Variants in RAG1 observed in about 807,000 individuals in gnomAD.
RAG1 encodes the protein recombination activating 1.
A neutral mutation model predicts 62.7 loss-of-function variants in RAG1; 35 were observed. The ratio of observed to expected loss-of-function variants is 0.56; its 90% confidence interval spans 0.43 to 0.74. The LOEUF (loss-of-function observed/expected upper bound fraction) is 0.74, where lower values mean the gene tolerates loss of function less well. RAG1 is among the 30% of genes least tolerant of loss of function. The pLI, the probability that RAG1 is intolerant of heterozygous loss-of-function variation, is 0.00. For synonymous variants in RAG1, 461 were observed against 470.3 expected (o/e 0.98, Z 0.26); for missense variants, 1,169 against 1,278.6 (o/e 0.91, Z 1.31).
chr11:36,551,496 A>G (rs1037162882), intron 3 of RAG1, among the ~76,000 whole-genome samples: 1 of 150,950 alleles, frequency 6.6e-6, no homozygotes, highest in African/African-American at 2.4e-5. Flanking sequence ...TTGTTTTCAC[A>G]TTGTCTTCCC....
At chr11:36,561,604 C>G (rs571795832) in intron 3 of RAG1, among the ~76,000 whole-genome samples, 2 of 152,262 alleles carry the variant, frequency 1.3e-5, no homozygotes, top group Admixed American at 1.3e-4. Context: ...AGGTGGGCAT[C>G]ATGCAATTCA....
upstream of RAG1, among the ~76,000 whole-genome samples, chr11:36,565,076 C>T (rs1347776484): frequency 1.3e-5 from 2 of 152,138 alleles, no homozygotes; most frequent in African/African-American, 4.8e-5. Flanking sequence ...CTCTAAGTTC[C>T]CTTCTAGTTC....
At chr11:36,527,984 G>A (rs975499530) in intron 2 of RAG1, among the ~76,000 whole-genome samples, 2 of 151,884 alleles carry the variant, frequency 1.3e-5, no homozygotes, top group Non-Finnish European at 2.9e-5. Context: ...TGAGACAATG[G>A]GGTTTTCTAA....
At chr11:36,560,221 T>C (rs2133279620) in intron 3 of RAG1, among the ~76,000 whole-genome samples, 1 of 152,210 alleles carries the variant, frequency 6.6e-6, no homozygotes, top group East Asian at 1.9e-4. Context: ...GTAGGGTATG[T>C]GTTGGGCATG....
chr11:36,513,800 C>T (rs1445538724), intron 1 of RAG1, among the ~76,000 whole-genome samples: 1 of 152,184 alleles, frequency 6.6e-6, no homozygotes, highest in Non-Finnish European at 1.5e-5. Flanking sequence ...ACCATCAGAT[C>T]TTGTGAGACT....
At chr11:36,528,327 G>T (rs1260456355) in intron 2 of RAG1, among the ~76,000 whole-genome samples, 1 of 152,088 alleles carries the variant, frequency 6.6e-6, no homozygotes, top group African/African-American at 2.4e-5. Context: ...TTAGAACTCA[G>T]AATTAAGAAA....
intron 2 of RAG1, among the ~76,000 whole-genome samples, chr11:36,532,146 T>C (rs1322907701): frequency 6.6e-6 from 1 of 152,010 alleles, no homozygotes; most frequent in East Asian, 1.9e-4. Context: ...TTTCTTTCAA[T>C]ATATTATTTT....
intron 3 of RAG1, among the ~76,000 whole-genome samples, chr11:36,551,722 G>T (rs1261896479): frequency 7.2e-6 from 1 of 138,348 alleles, no homozygotes; most frequent in Non-Finnish European, 1.5e-5. Context: ...GTGTCATCTA[G>T]CATTAGGTAT....
chr11:36,551,271 A>G (rs1037535600), intron 3 of RAG1, among the ~76,000 whole-genome samples: 1 of 152,118 alleles, frequency 6.6e-6, no homozygotes, highest in Non-Finnish European at 1.5e-5. Context: ...GTATGTGTGT[A>G]TCATAGGTCT....
rs1850813929 is a variant in RAG1 at position 36,574,799 on chromosome 11, A to G, written c.1495A>G (p.Ile499Val). The G allele has an allele frequency of 6.2e-7, 1 of 1,614,156 alleles. No homozygotes were observed. The highest frequency in any genetic ancestry group is 8.5e-7 in the Non-Finnish European group (1 of 1,180,030). The change falls in exon 2 of 2, where the codon ATT becomes GTT. Residue 499 changes from isoleucine (I) to valine (V), a missense_variant. By Grantham distance (29) the Ile-to-Val change is conservative (BLOSUM62 3). This residue lies in a region of RAG1 where 800 missense variants were observed against 943.3 expected (regional missense o/e 0.85). Transcript: ENST00000299440. ...TGTGAAAGCCATCACAGGGAGACAGATTTTTCAGCCTTTGCATGCCCTTCG... is the reference window on the plus strand; with the variant it reads ...TGTGAAAGCCATCACAGGGAGACAGGTTTTTCAGCCTTTGCATGCCCTTCG... ...RTVKAITGRQ[I>V]FQPLHALRNA...
At chr11:36,538,919 C>A (rs950421842), downstream of RAG1, among the ~76,000 whole-genome samples, 6 of 152,176 alleles carry the variant, frequency 3.9e-5, no homozygotes, top group African/African-American at 1.4e-4. Flanking sequence ...GAAGAGGCCT[C>A]AATTCAATCA....
At position 36,575,604 on chromosome 11, in the gene RAG1, C is replaced by T; in HGVS notation, c.2300C>T (p.Pro767Leu). 3 of 1,614,222 alleles carry T rather than the reference C, an allele frequency of 1.9e-6. No homozygotes were observed. The highest frequency in any genetic ancestry group is 2.5e-6 in the Non-Finnish European group (3 of 1,180,046). Residue 767 changes from proline (P) to leucine (L), a missense_variant, in exon 2 of 2, where the codon CCT (proline) becomes CTT (leucine). Physicochemically the swap from Pro to Leu is moderately conservative, Grantham distance 98 (BLOSUM62 -3). This residue lies in a region of RAG1 where 800 missense variants were observed against 943.3 expected (regional missense o/e 0.85). Coordinates refer to ENST00000299440, the MANE Select transcript of RAG1 (RefSeq NM_000448.3). The surrounding 1 kb of genome is among the most constrained non-coding windows in gnomAD (Gnocchi z 4.1). ...LERYEVWRSN[P>L]YHESVEELRD... is the part of the protein sequence containing the mutation. ...CGTTATGAGGTCTGGCGTTCCAACC[C>T]TTACCATGAGTCTGTGGAAGAACTG... is the stretch of plus-strand genomic sequence containing the variant.
intron 1 of RAG1, among the ~76,000 whole-genome samples, chr11:36,518,587 G>A (rs1381109536): frequency 5.3e-5 from 8 of 152,128 alleles, no homozygotes; most frequent in Non-Finnish European, 1.2e-4. Flanking sequence ...TTCTCTGATG[G>A]CCAGTGATGA....
intron 2 of RAG1, among the ~76,000 whole-genome samples, chr11:36,529,423 G>T (rs143894525): frequency 0.1 from 15,293 of 152,160 alleles, 834 homozygotes; most frequent in Non-Finnish European, 0.11. Flanking sequence ...TATAGAAAAG[G>T]TCTTCGACAA....
At chr11:36,564,211 T>C (rs1222215221), upstream of RAG1, among the ~76,000 whole-genome samples, 1 of 152,218 alleles carries the variant, frequency 6.6e-6, no homozygotes, top group Non-Finnish European at 1.5e-5. Context: ...TTTCTGGGAC[T>C]GGTCAGGATT....
rs564064365 is a variant in RAG1 at position 36,547,176 on chromosome 11, G to C, written c.-412+11142G>C. On this transcript the variant is annotated intron_variant and NMD_transcript_variant, in intron 3 of 9. Coordinates refer to the RAG1 transcript ENST00000534663. The stretch of plus-strand genomic sequence containing the variant: ...CACTAAATGCCCACAGGAGAAAGTG[G>C]GGAAGATCTAAAATCGACACCCTAG... Among the ~76,000 whole-genome samples the C allele has an allele frequency of 8.5e-4, 129 of 152,066 alleles. 2 individuals carry two copies. Among genetic ancestry groups the C allele is most frequent in the African/African-American group, 3.1e-3 (128 of 41,448 alleles).
rs370135440 is a variant in RAG1 at position 36,573,895 on chromosome 11, G to A, written c.591G>A (p.Pro197=). Residue 197 remains proline, a synonymous_variant, in exon 2 of 2, where the codon CCG becomes CCA. Transcript: ENST00000299440. The part of the protein sequence containing the change: ...FSSAPCEVYF[P]RNVTMEWHPH... ...GTGCCCCATGTGAGGTTTACTTCCC[G>A]AGGAACGTGACCATGGAGTGGCACC... 1.4e-5 allele frequency: 22 copies of A among 1,613,942 alleles called. No homozygotes were observed. Among genetic ancestry groups the A allele is most frequent in the African/African-American group, 4.0e-5 (3 of 74,876 alleles).
chr11:36,571,675 C>T (rs576872316), intron 1 of RAG1, among the ~76,000 whole-genome samples: 6 of 152,214 alleles, frequency 3.9e-5, no homozygotes, highest in African/African-American at 9.6e-5. Flanking sequence ...GTTGCAGTGG[C>T]GTGATCTTGG....
intron 1 of RAG1, among the ~76,000 whole-genome samples, chr11:36,514,757 A>G (rs331451): frequency 0.96 from 146,386 of 152,270 alleles, 70,609 homozygotes; most frequent in Non-Finnish European, 1. Flanking sequence ...GATGTGGCAG[A>G]AGGTGGAGCT....
Sources: gnomAD v4.1 joint callset for allele counts (sites outside exome capture counted in the v4.1 genomes callset) on GRCh38, gnomAD v4.1.1 for gene constraint, gnomAD v4.1.1 regional missense constraint, Gnocchi (gnomAD v3.1) non-coding constraint, MANE v1.5 for transcripts, NCBI Gene and HGNC (gene_info 2026-07-23, HGNC 2026-07-21) for gene names.